Variants in PAX5 observed in about 807,000 individuals in gnomAD.
PAX5 encodes the protein paired box protein Pax-5.
Under a neutral mutation model 43.7 loss-of-function variants are expected in PAX5, and 9 were observed. The observed-to-expected ratio is 0.21, with a 90% confidence interval of 0.12 to 0.36. The LOEUF is 0.36. Among genes scored for constraint, PAX5 ranks in the 10% least tolerant of loss-of-function variants. The probability of loss-of-function intolerance (pLI) is 1.00; values close to 1 mark genes in which losing one functional copy is unlikely to be tolerated. For synonymous variants in PAX5, 228 were observed against 214.3 expected (o/e 1.06, Z -0.56); for missense variants, 383 against 532.7 (o/e 0.72, Z 2.77).
At chr9:36,893,176 TAGA>T (rs1827549231) in intron 7 of PAX5, among the ~76,000 whole-genome samples, 3 of 152,246 alleles carry the variant, frequency 2.0e-5, no homozygotes, top group Admixed American at 2.0e-4. Context: ...ACTCACACTC[TAGA>T]AGAAGAGATA....
At chr9:36,861,447 C>T (rs1824206569) in intron 8 of PAX5, 1 of 148,404 alleles carries the variant, frequency 6.7e-6, no homozygotes, top group Non-Finnish European at 1.5e-5. Context: ...AAGCGTCCGG[C>T]ATGCTAGATA....
chr9:36,993,644 T>G (rs1837114465), intron 5 of PAX5, among the ~76,000 whole-genome samples: 1 of 152,204 alleles, frequency 6.6e-6, no homozygotes, highest in African/African-American at 2.4e-5. Context: ...TTAAACCATA[T>G]TCCCAAGCCA....
In PAX5 at chr9:36,838,097, T is replaced by G. The variant is rs1484647466; in HGVS notation, c.*2463A>C. On this transcript the variant is annotated 3_prime_UTR_variant, in exon 10 of 10. Transcript: ENST00000358127. ...GTAACATACCTTCTCCTACCTTACCTGACAGGTGGAAGCTGCAGCCAGCTC... is the reference window on the plus strand; with the variant it reads ...GTAACATACCTTCTCCTACCTTACCGGACAGGTGGAAGCTGCAGCCAGCTC... 4.3e-6 allele frequency: 1 copy of G among 233,138 alleles called. No individual in the cohort carries two copies. The highest frequency in any genetic ancestry group is 2.2e-5 in the African/African-American group (1 of 45,316). 14.4% of individuals were successfully genotyped at this position (233,138 alleles called of 1,614,324 possible).
At chr9:36,960,615 A>C (rs1408802797) in intron 6 of PAX5, among the ~76,000 whole-genome samples, 1 of 152,202 alleles carries the variant, frequency 6.6e-6, no homozygotes, top group Non-Finnish European at 1.5e-5. Flanking sequence ...GTCCCAGTGA[A>C]GGTTGCTTCC....
Position 36,840,464 on chromosome 9 carries a change from C to CG in PAX5, c.*95dup. The CG allele has an allele frequency of 8.3e-7, 1 of 1,198,482 alleles. No homozygotes were observed. Among genetic ancestry groups the CG allele is most frequent in the South Asian group, 1.3e-5 (1 of 77,260 alleles). The allele number at this position is 1,198,482 out of a possible 1,614,324, so 74.2% of individuals were successfully genotyped here. On this transcript the variant is annotated 3_prime_UTR_variant, in exon 10 of 10. Coordinates refer to ENST00000358127, the MANE Select transcript of PAX5 (RefSeq NM_016734.3). Reference sequence around the variant, plus strand: ...CAGGCAAGTGGGGGATGCTGGGGGACGGTCTCATGGGCTCTCTGGCTATCT... The same window carrying CG: ...CAGGCAAGTGGGGGATGCTGGGGGACGGGTCTCATGGGCTCTCTGGCTATCT...
At chr9:36,902,482 C>T (rs1255443643) in intron 7 of PAX5, among the ~76,000 whole-genome samples, 4 of 152,196 alleles carry the variant, frequency 2.6e-5, no homozygotes, top group Non-Finnish European at 4.4e-5. Flanking sequence ...GGGATTCATC[C>T]GGGAGGGTGC....
intron 6 of PAX5, among the ~76,000 whole-genome samples, chr9:36,926,917 TG>T (rs1430344945): frequency 6.6e-6 from 1 of 152,090 alleles, no homozygotes; most frequent in Non-Finnish European, 1.5e-5. Context: ...TTAATGTATA[TG>T]GGGCGTGAAG....
chr9:37,006,514 T>A lies in PAX5; in HGVS notation c.434A>T (p.Gln145Leu). The A allele has an allele frequency of 6.2e-7, 1 of 1,614,204 alleles. No individual in the cohort carries two copies. The highest frequency in any genetic ancestry group is 8.5e-7 in the Non-Finnish European group (1 of 1,180,012). Residue 145 changes from glutamine to leucine, a missense_variant, in exon 4 of 10, where the codon CAG becomes CTG. By Grantham distance (113) the Gln-to-Leu change is moderately radical (BLOSUM62 -2). This residue lies in a region of PAX5 where 291 missense variants were observed against 342.5 expected (regional missense o/e 0.85). Coordinates refer to ENST00000358127, the MANE Select transcript of PAX5 (RefSeq NM_016734.3). ...AGCTGGGACTGGTTGGTTGGGTGGC[T>A]GCTGTACTTTTGTCCGGATGATCCT... is the stretch of plus-strand genomic sequence containing the variant. ...INRIIRTKVQ[Q>L]PPNQPVPASS...
At chr9:36,999,389 C>A (rs965103173) in intron 5 of PAX5, among the ~76,000 whole-genome samples, 1 of 152,218 alleles carries the variant, frequency 6.6e-6, no homozygotes, top group Admixed American at 6.5e-5. Flanking sequence ...TCACCTCACC[C>A]ACTGCCCTCC....
intron 5 of PAX5, among the ~76,000 whole-genome samples, chr9:36,997,449 C>T (rs1462804545): frequency 2.6e-5 from 4 of 152,254 alleles, no homozygotes; most frequent in East Asian, 3.9e-4. Flanking sequence ...GTGGGGAGAG[C>T]GGCGGAAGGA....
chr9:36,998,343 G>C (rs1036798455), intron 5 of PAX5, among the ~76,000 whole-genome samples: 2 of 152,216 alleles, frequency 1.3e-5, no homozygotes, highest in African/African-American at 4.8e-5. Context: ...CAATATTCTA[G>C]TTAGTTTGTT....
chr9:37,026,550 G>A, intron 1 of PAX5: 1 of 1,334,576 alleles, frequency 7.5e-7, no homozygotes, highest in Non-Finnish European at 9.8e-7. Context: ...GGATGCAAAC[G>A]GGTCGTGCTT....
chr9:36,834,536 T>G lies in PAX5; in HGVS notation c.*6024A>C. On this transcript the variant is annotated 3_prime_UTR_variant, in exon 10 of 10. Coordinates refer to ENST00000358127, the MANE Select transcript of PAX5 (RefSeq NM_016734.3). Reference sequence around the variant, plus strand: ...TGCAGTGTTTAAAATAGACTCAGGATTTATTTATTTTCTTTTTAGCTTTAT... The same window carrying G: ...TGCAGTGTTTAAAATAGACTCAGGAGTTATTTATTTTCTTTTTAGCTTTAT... 4.3e-6 allele frequency: 1 copy of G among 233,240 alleles called. No individual in the cohort carries two copies. Among genetic ancestry groups the G allele is most frequent in the Non-Finnish European group, 8.5e-6 (1 of 118,044 alleles). The allele number at this position is 233,240 out of a possible 1,614,324, so 14.4% of individuals were successfully genotyped here.
intron 8 of PAX5, among the ~76,000 whole-genome samples, chr9:36,861,979 A>G (rs779227067): frequency 2.0e-5 from 3 of 152,098 alleles, no homozygotes; most frequent in Non-Finnish European, 4.4e-5. Flanking sequence ...GGCCCTTTCT[A>G]TCCTAATGCC....
At chr9:36,907,395 C>T (rs981678524) in intron 7 of PAX5, among the ~76,000 whole-genome samples, 2 of 152,252 alleles carry the variant, frequency 1.3e-5, no homozygotes, top group Middle Eastern at 3.4e-3. Flanking sequence ...CCTCCCTCCC[C>T]GCATAGCATG....
intron 1 of PAX5, among the ~76,000 whole-genome samples, chr9:37,032,983 A>T (rs2132583871): frequency 6.6e-6 from 1 of 152,350 alleles, no homozygotes. Context: ...CACAGGATAA[A>T]ACCTGAGGAC....
chr9:37,002,815 C>A, intron 4 of PAX5, 39 bp from the exon 5 acceptor site: 5 of 1,578,532 alleles, frequency 3.2e-6, no homozygotes, highest in South Asian at 1.2e-5. Context: ...CCGCAGAGGG[C>A]TGAGGGCGGC....
chr9:36,977,321 A>T (rs1403940566), intron 5 of PAX5, among the ~76,000 whole-genome samples: 1 of 92,258 alleles, frequency 1.1e-5, no homozygotes, highest in Non-Finnish European at 2.2e-5. Flanking sequence ...GGGTGGGGGG[A>T]GGGAAGAAAA....
At chr9:36,937,335 C>T (rs949085016) in intron 6 of PAX5, among the ~76,000 whole-genome samples, 3 of 152,182 alleles carry the variant, frequency 2.0e-5, no homozygotes, top group African/African-American at 4.8e-5. Context: ...GTTCACCCCC[C>T]AGCAGTGCGA....
Sources: allele counts gnomAD v4.1 joint callset (sites outside exome capture counted in the v4.1 genomes callset), GRCh38; gene constraint gnomAD v4.1.1; regional missense constraint gnomAD v4.1.1; transcripts MANE v1.5; gene names NCBI Gene and HGNC (gene_info 2026-07-23, HGNC 2026-07-21).